FAF1: variants seen among roughly 807,000 people sequenced by gnomAD.
The protein encoded by FAF1 is Fas associated factor 1.
FAF1 carries 25 observed loss-of-function variants against 92.5 expected under a neutral mutation model. The observed-to-expected ratio is 0.27, with a 90% CI of 0.20 to 0.38. The LOEUF (loss-of-function observed/expected upper bound fraction) is 0.38, where lower values mean the gene tolerates loss of function less well. FAF1 is among the 10% of genes least tolerant of loss of function. FAF1 has a pLI of 1.00. For missense variants in FAF1, 636 were observed against 793.3 expected, an observed-to-expected ratio of 0.80 and a Z score of 2.38; for synonymous variants, 234 against 273.2, an observed-to-expected ratio of 0.86 and a Z score of 1.42.
chr1:50,552,457 A>T (rs1386736569), intron 13 of FAF1, among the ~76,000 whole-genome samples: 1 of 152,324 alleles, frequency 6.6e-6, no homozygotes, highest in East Asian at 1.9e-4. Context: ...TTCTTATAAC[A>T]TCAACAAATA....
chr1:50,655,275 G>A (rs1000483643), intron 8 of FAF1, among the ~76,000 whole-genome samples, 167 bp downstream of exon 8: 21 of 152,196 alleles, frequency 1.4e-4, no homozygotes, highest in Non-Finnish European at 2.4e-4. Flanking sequence ...ACACGCCTCA[G>A]CCTCCCAAAG....
chr1:50,716,738 G>A lies in FAF1; in HGVS notation c.552-10847C>T, dbSNP rs567133156. Reference sequence around the variant, plus strand: ...AAACACGCCAATCAGTGCTGTGTGCGTAGCTAAAGGACTGTAAATGCACCA... The same window carrying A: ...AAACACGCCAATCAGTGCTGTGTGCATAGCTAAAGGACTGTAAATGCACCA... On this transcript the variant is annotated intron_variant, in intron 6 of 18. Coordinates refer to ENST00000396153, the MANE Select transcript of FAF1 (RefSeq NM_007051.3). Among the ~76,000 whole-genome samples the A allele has an allele frequency of 1.4e-4, 21 of 152,266 alleles. No homozygotes were observed. In the South Asian group the frequency reaches 2.9e-3, roughly 21 times the overall value.
At chr1:50,886,814 T>G (rs1474564541) in intron 1 of FAF1, among the ~76,000 whole-genome samples, 1 of 152,204 alleles carries the variant, frequency 6.6e-6, no homozygotes, top group African/African-American at 2.4e-5. Flanking sequence ...GTCTTTGCTA[T>G]TGTGAATAGT....
intron 2 of FAF1, among the ~76,000 whole-genome samples, chr1:50,802,451 T>C (rs557785463): frequency 6.6e-6 from 1 of 152,296 alleles, no homozygotes; most frequent in Admixed American, 6.5e-5. Context: ...AGTCATTCAA[T>C]AAACCTAACA....
At chr1:50,800,475 GAACA>G (rs1462881233) in intron 3 of FAF1, among the ~76,000 whole-genome samples, 1 of 152,162 alleles carries the variant, frequency 6.6e-6, no homozygotes, top group Non-Finnish European at 1.5e-5. Flanking sequence ...GAATGCTCTG[GAACA>G]AACAACAACA....
At chr1:50,796,226 C>CAT (rs1169161577) in intron 3 of FAF1, among the ~76,000 whole-genome samples, 1 of 152,070 alleles carries the variant, frequency 6.6e-6, no homozygotes, top group African/African-American at 2.4e-5. Flanking sequence ...CACACACACA[C>CAT]ACCCCTATCT....
At chr1:50,525,346 G>C (rs1647736445) in intron 15 of FAF1, among the ~76,000 whole-genome samples, 1 of 152,128 alleles carries the variant, frequency 6.6e-6, no homozygotes, top group South Asian at 2.1e-4. Flanking sequence ...CCATTTGTTT[G>C]TATCTTTCAG....
At position 50,582,604 on chromosome 1, in the gene FAF1, C is replaced by T; in HGVS notation, c.1113+14G>A. On this transcript the variant is annotated intron_variant, in intron 12 of 18. Coordinates refer to ENST00000396153, the MANE Select transcript of FAF1 (RefSeq NM_007051.3). Reference sequence around the variant, plus strand: ...GATGCACTTTTTAATCAGAAAAGGTCAAACTGTACTTACATCTCGGGCTTT... The same window carrying T: ...GATGCACTTTTTAATCAGAAAAGGTTAAACTGTACTTACATCTCGGGCTTT... 1 of 1,577,336 alleles carries T rather than the reference C, an allele frequency of 6.3e-7. No individual in the cohort carries two copies. Among genetic ancestry groups the T allele is most frequent in the South Asian group, 1.1e-5 (1 of 90,220 alleles).
At chr1:50,690,459 G>A (rs951113660) in intron 7 of FAF1, among the ~76,000 whole-genome samples, 1 of 151,980 alleles carries the variant, frequency 6.6e-6, no homozygotes, top group African/African-American at 2.4e-5. Flanking sequence ...CAATTAGCTG[G>A]GTGTGGTGGC....
intron 6 of FAF1, among the ~76,000 whole-genome samples, chr1:50,716,289 C>A (rs556157538): frequency 1.6e-4 from 24 of 152,288 alleles, no homozygotes; most frequent in Middle Eastern, 3.4e-3. Flanking sequence ...GAATCCAGAA[C>A]TCCCTCTTAA....
At chr1:50,568,351 A>G (rs1650265556) in intron 12 of FAF1, among the ~76,000 whole-genome samples, 1 of 152,144 alleles carries the variant, frequency 6.6e-6, no homozygotes, top group African/African-American at 2.4e-5. Context: ...GGGATTCTGA[A>G]CAAAAGAAGG....
chr1:50,654,748 A>C (rs1406003591), intron 8 of FAF1, among the ~76,000 whole-genome samples: 1 of 152,176 alleles, frequency 6.6e-6, no homozygotes, highest in Admixed American at 6.5e-5. Context: ...TTAGGAAAGA[A>C]AATGTTTTTG....
At chr1:50,943,872 C>T (rs1441680521) in intron 1 of FAF1, among the ~76,000 whole-genome samples, 3 of 152,186 alleles carry the variant, frequency 2.0e-5, no homozygotes, top group Non-Finnish European at 4.4e-5. Flanking sequence ...CATGGTACAT[C>T]GGAAAAGAGA....
At chr1:50,677,681 G>A (rs1656184710) in intron 7 of FAF1, among the ~76,000 whole-genome samples, 1 of 151,980 alleles carries the variant, frequency 6.6e-6, no homozygotes, top group Non-Finnish European at 1.5e-5. Flanking sequence ...GGTCACCTGA[G>A]GTCAGGAGTT....
chr1:50,898,211 G>A (rs529665126), intron 1 of FAF1, among the ~76,000 whole-genome samples: 2 of 152,228 alleles, frequency 1.3e-5, no homozygotes, highest in Admixed American at 6.5e-5. Context: ...GAGGCTGATG[G>A]GAGGATCACT....
At chr1:50,819,590 T>C (rs888686769) in intron 2 of FAF1, among the ~76,000 whole-genome samples, 1 of 145,186 alleles carries the variant, frequency 6.9e-6, no homozygotes, top group Admixed American at 6.9e-5. Flanking sequence ...CACACCACCA[T>C]ACTCCAGCCT....
chr1:50,577,298 G>A (rs12122594), intron 12 of FAF1, among the ~76,000 whole-genome samples: 14,035 of 152,264 alleles, frequency 0.092, 834 homozygotes, highest in African/African-American at 0.17. Flanking sequence ...GCTGAGGCGG[G>A]TGGATCACCT....
intron 7 of FAF1, among the ~76,000 whole-genome samples, chr1:50,675,116 C>A (rs1170862770): frequency 2.6e-5 from 4 of 152,192 alleles, no homozygotes; most frequent in Non-Finnish European, 4.4e-5. Flanking sequence ...GTCTCAAACT[C>A]CTGACCTCAG....
chr1:50,847,738 C>G (rs1280361741), intron 2 of FAF1, among the ~76,000 whole-genome samples: 3 of 151,960 alleles, frequency 2.0e-5, no homozygotes, highest in Non-Finnish European at 2.9e-5. Context: ...ACTAAATATC[C>G]CTGAATTGTA....
Sources: allele counts gnomAD v4.1 joint callset (sites outside exome capture counted in the v4.1 genomes callset), GRCh38; gene constraint gnomAD v4.1.1; transcripts MANE v1.5; gene names NCBI Gene and HGNC (gene_info 2026-07-23, HGNC 2026-07-21).